Variants in CSMD1 observed in about 807,000 individuals in gnomAD.
CSMD1 encodes the protein CUB and Sushi multiple domains 1.
CSMD1 carries 213 observed loss-of-function variants against 417.5 expected under a neutral mutation model. That is an observed-to-expected ratio of 0.51 (90% confidence interval 0.46 to 0.57). The LOEUF (loss-of-function observed/expected upper bound fraction) is 0.57, where lower values mean the gene tolerates loss of function less well. Among genes scored for constraint, CSMD1 ranks in the 20% least tolerant of loss-of-function variants. The pLI is 0.00. For synonymous variants in CSMD1, 2,862 were observed against 1,736.8 expected (o/e 1.65, Z -16.11); for missense variants, 6,923 against 4,529.7 (o/e 1.53, Z -15.17).
chr8:4,366,777 A>G lies in CSMD1; in HGVS notation c.415+53176T>C, dbSNP rs10094578. ...CAACGTGCACGTTAGTTACATACAT[A>G]TACATGTGCCATGCTGCTGTGCTGC... On this transcript the variant is annotated intron_variant, in intron 3 of 69. Transcript: ENST00000635120. Among the ~76,000 whole-genome samples the G allele has an allele frequency of 1.8e-4, 27 of 152,002 alleles. 1 individual carries two copies. The highest frequency in any genetic ancestry group is 6.3e-4 in the African/African-American group (26 of 41,440).
At chr8:3,915,405 CAAAAAAAAA>C (rs778981187) in intron 5 of CSMD1, among the ~76,000 whole-genome samples, 1 of 76,288 alleles carries the variant, frequency 1.3e-5, no homozygotes, top group Non-Finnish European at 2.6e-5. Context: ...GACTCTGTCT[CAAAAAAAAA>C]AAAAAAAAAA....
chr8:3,657,187 G>T (rs1871885), intron 7 of CSMD1, among the ~76,000 whole-genome samples: 1 of 152,122 alleles, frequency 6.6e-6, no homozygotes, highest in East Asian at 1.9e-4. Flanking sequence ...GGAAGATGCT[G>T]CAGGATCTAT....
chr8:3,247,646 C>G lies in CSMD1; in HGVS notation c.4154-17415G>C, dbSNP rs34041534. Among the ~76,000 whole-genome samples, 1,129 of 152,270 alleles carry G rather than the reference C, an allele frequency of 7.4e-3. 16 individuals carry two copies. Among genetic ancestry groups the G allele is most frequent in the African/African-American group, 0.026 (1,062 of 41,554 alleles). ...TGGCCTCTGAGCCTGGGTCAGCAGG[C>G]AAGGCCCCCGCCCCCAGTTCTAAAA... is the stretch of plus-strand genomic sequence containing the variant. On this transcript the variant is annotated intron_variant, in intron 26 of 69. Transcript: ENST00000635120.
chr8:3,512,778 T>A (rs1028708987), intron 10 of CSMD1, among the ~76,000 whole-genome samples: 1 of 151,848 alleles, frequency 6.6e-6, no homozygotes, highest in Admixed American at 6.6e-5. Flanking sequence ...GCAGGTTTTT[T>A]ATTTTTTACT....
intron 1 of CSMD1, among the ~76,000 whole-genome samples, chr8:4,854,756 G>C (rs558368224): frequency 9.2e-5 from 14 of 152,202 alleles, no homozygotes; most frequent in African/African-American, 3.1e-4. Context: ...CTGGCTCGGA[G>C]GGTCCTACAC....
At chr8:4,450,705 A>T (rs1799089553) in intron 2 of CSMD1, among the ~76,000 whole-genome samples, 2 of 152,170 alleles carry the variant, frequency 1.3e-5, no homozygotes, top group African/African-American at 4.8e-5. Flanking sequence ...CACATCACAG[A>T]GTTTTAATAA....
Position 2,996,517 on chromosome 8 carries a change from G to T in CSMD1, c.8377+1494C>A, listed in dbSNP as rs531740997. Among the ~76,000 whole-genome samples, 4 of 152,314 alleles carry T rather than the reference G, an allele frequency of 2.6e-5. No homozygotes were observed. The South Asian group carries it at 8.3e-4, about 32-fold the overall frequency. On this transcript the variant is annotated intron_variant, in intron 54 of 69. Coordinates refer to ENST00000635120, the MANE Select transcript of CSMD1 (RefSeq NM_033225.6). The stretch of plus-strand genomic sequence containing the variant: ...GCATGTTTGACTCTGGAAGTATCAG[G>T]CCTGTGCAGTAAACTCAGCTCTGCT...
At chr8:3,988,917 G>C (rs1047908609) in intron 5 of CSMD1, among the ~76,000 whole-genome samples, 1 of 152,174 alleles carries the variant, frequency 6.6e-6, no homozygotes, top group Non-Finnish European at 1.5e-5. Flanking sequence ...TTTAAAAGTT[G>C]AGTGGAGAAG....
chr8:3,477,301 GA>G (rs1293527256), intron 11 of CSMD1, among the ~76,000 whole-genome samples: 1 of 152,158 alleles, frequency 6.6e-6, no homozygotes, highest in Non-Finnish European at 1.5e-5. Context: ...TTGAAAATTT[GA>G]CAATGGAAAC....
intron 2 of CSMD1, among the ~76,000 whole-genome samples, chr8:4,613,225 T>C (rs2725042): frequency 0.24 from 36,268 of 152,072 alleles, 4,574 homozygotes; most frequent in African/African-American, 0.27. Context: ...ATTTGTTGAG[T>C]GTGTACAAAT....
chr8:4,173,550 A>G (rs1292662154), intron 3 of CSMD1, among the ~76,000 whole-genome samples: 2 of 152,122 alleles, frequency 1.3e-5, no homozygotes, highest in Admixed American at 1.3e-4. Context: ...AAGAAAGGAG[A>G]AAGATAAAAT....
At chr8:3,448,732 C>T (rs1372048464) in intron 12 of CSMD1, among the ~76,000 whole-genome samples, 3 of 152,134 alleles carry the variant, frequency 2.0e-5, no homozygotes, top group South Asian at 2.1e-4. Flanking sequence ...CTCACTCCTG[C>T]ACACCACAGA....
At chr8:3,235,632 C>G (rs1563169399) in intron 26 of CSMD1, among the ~76,000 whole-genome samples, 1 of 152,098 alleles carries the variant, frequency 6.6e-6, no homozygotes, top group Non-Finnish European at 1.5e-5. Flanking sequence ...CACAGTTTTC[C>G]TAGAAAATCT....
chr8:4,978,970 T>C (rs1030811498), intron 1 of CSMD1, among the ~76,000 whole-genome samples: 1 of 152,148 alleles, frequency 6.6e-6, no homozygotes, highest in Non-Finnish European at 1.5e-5. Context: ...TTAGAAAAAA[T>C]AACTCTGGAG....
At position 3,341,572 on chromosome 8, in the gene CSMD1, G is replaced by A; in HGVS notation, c.3631+1722C>T. Among the ~76,000 whole-genome samples the A allele has an allele frequency of 1.3e-5, 2 of 152,250 alleles. 1 individual carries two copies. Among genetic ancestry groups the A allele is most frequent in the Middle Eastern group, 6.8e-3 (2 of 294 alleles). ...CACAGGAAGGGAAAAAGTGAGCTTA[G>A]TAACATCGCAAATTGCAGCAGTGTT... is the stretch of plus-strand genomic sequence containing the variant. On this transcript the variant is annotated intron_variant, in intron 23 of 69. Coordinates refer to ENST00000635120, the MANE Select transcript of CSMD1 (RefSeq NM_033225.6).
At chr8:3,065,057 A>C (rs757595030) in intron 49 of CSMD1, among the ~76,000 whole-genome samples, 55 of 152,184 alleles carry the variant, frequency 3.6e-4, no homozygotes, top group Admixed American at 6.6e-4. Context: ...TTAATGGAAA[A>C]AGTAAACAAA....
At chr8:3,865,955 AT>A (rs1384911308) in intron 5 of CSMD1, among the ~76,000 whole-genome samples, 1 of 152,214 alleles carries the variant, frequency 6.6e-6, no homozygotes, top group African/African-American at 2.4e-5. Flanking sequence ...TGGGAATGTA[AT>A]TAAAATAATG....
intron 59 of CSMD1, among the ~76,000 whole-genome samples, chr8:2,964,663 T>A (rs1803799937): frequency 6.6e-6 from 1 of 152,222 alleles, no homozygotes; most frequent in Non-Finnish European, 1.5e-5. Flanking sequence ...CACAACGTAG[T>A]GCATTTTCAT....
intron 49 of CSMD1, among the ~76,000 whole-genome samples, chr8:3,081,793 T>C (rs924581449): frequency 1.3e-5 from 2 of 152,218 alleles, no homozygotes; most frequent in African/African-American, 4.8e-5. Flanking sequence ...TCAAATATGA[T>C]AAAGCAAATG....
Sources: gnomAD v4.1 joint callset for allele counts (sites outside exome capture counted in the v4.1 genomes callset) on GRCh38, gnomAD v4.1.1 for gene constraint, MANE v1.5 for transcripts, NCBI Gene and HGNC (gene_info 2026-07-23, HGNC 2026-07-21) for gene names.